The following DMD variants were observed in gnomAD, a reference collection of about 807,000 sequenced individuals.
DMD encodes the protein mutant dystrophin.
In DMD, 63 loss-of-function variants were observed where a neutral mutation model predicts 330.1. The observed-to-expected ratio is 0.19, with a 90% CI of 0.16 to 0.24. The LOEUF is 0.24. Ranked by LOEUF, DMD falls within the 10% of genes least tolerant of loss-of-function variation. The pLI is 1.00. For missense variants in DMD, 3,344 were observed against 2,684.1 expected, an observed-to-expected ratio of 1.25 and a Z score of -5.43; for synonymous variants, 1,223 against 959.8, an observed-to-expected ratio of 1.27 and a Z score of -5.07.
intron 44 of DMD, among the ~76,000 whole-genome samples, chrX:31,980,075 C>A (rs1179178569): frequency 8.9e-6 from 1 of 112,232 alleles, no homozygotes; most frequent in Non-Finnish European, 1.9e-5. Flanking sequence ...GTAACTGGAA[C>A]TCTCCATCAT....
chrX:32,645,146 C>T lies in DMD; in HGVS notation c.967G>A (p.Glu323Lys), dbSNP rs746060886. The stretch of plus-strand genomic sequence containing the variant: ...CCAAATGACTTGTCTTCAGGAGCTT[C>T]CAAATGCTGCACAATAAAATAAATT... ...TRSPFPSQHL[E>K]APEDKSFGSS... Residue 323 changes from glutamate (E) to lysine (K), a missense_variant, in exon 10 of 79, where the codon GAA becomes AAA. Glu to Lys is a moderately conservative substitution (Grantham distance 56). Transcript: ENST00000357033. The T allele has an allele frequency of 6.6e-6, 8 of 1,209,394 alleles. No homozygotes were observed. In the East Asian group the frequency reaches 2.1e-4, roughly 31 times the overall value.
chrX:32,976,671 C>T (rs759350914), intron 2 of DMD, among the ~76,000 whole-genome samples: 8 of 111,661 alleles, frequency 7.2e-5, no homozygotes, highest in Non-Finnish European at 1.1e-4. Context: ...CACCTGCATA[C>T]GTCAGCATTT....
chrX:33,131,532 C>A (rs2095499557), intron 1 of DMD, among the ~76,000 whole-genome samples: 1 of 111,391 alleles, frequency 9.0e-6, no homozygotes, highest in African/African-American at 3.3e-5. Flanking sequence ...TTAGGTAGAC[C>A]CCCCAGGTGA....
intron 63 of DMD, among the ~76,000 whole-genome samples, chrX:31,229,765 T>C (rs764358940): frequency 2.5e-4 from 28 of 112,087 alleles, no homozygotes; most frequent in Non-Finnish European, 4.5e-4. Flanking sequence ...TCTCCCCACA[T>C]ACTCCTATTA....
rs750106830 is a variant in DMD, at chrX:31,350,753, T to C, written c.9085-2119A>G. ...GTAATGGTTAATTCTATGTGTCAAGTTGACTGGACTATGGGGTGCCCAGGT... is the reference window on the plus strand; with the variant it reads ...GTAATGGTTAATTCTATGTGTCAAGCTGACTGGACTATGGGGTGCCCAGGT... On this transcript the variant is annotated intron_variant, in intron 60 of 78. Transcript: ENST00000357033. Among the ~76,000 whole-genome samples the C allele has an allele frequency of 2.7e-5, 3 of 110,342 alleles. No homozygotes were observed. In the South Asian group the frequency reaches 1.2e-3, roughly 44 times the overall value.
chrX:33,310,114 A>G (rs907963724), intron 1 of DMD, among the ~76,000 whole-genome samples: 7 of 111,285 alleles, frequency 6.3e-5, no homozygotes, highest in Non-Finnish European at 1.3e-4. Flanking sequence ...AAAAACTACT[A>G]TATAATTCAG....
At chrX:33,025,086 A>T (rs145847680) in intron 1 of DMD, among the ~76,000 whole-genome samples, 1,269 of 112,125 alleles carry the variant, frequency 0.011, 22 homozygotes, top group African/African-American at 0.039. Context: ...CATAAACAAA[A>T]ATATATATAA....
intron 2 of DMD, among the ~76,000 whole-genome samples, chrX:32,874,297 T>C (rs1335054513): frequency 1.8e-5 from 2 of 112,149 alleles, no homozygotes; most frequent in Non-Finnish European, 3.8e-5. Context: ...CCAAGGAAGT[T>C]TTCTGATATT....
intron 43 of DMD, among the ~76,000 whole-genome samples, chrX:32,225,598 G>A (rs1436623811): frequency 9.0e-6 from 1 of 111,365 alleles, no homozygotes; most frequent in East Asian, 2.8e-4. Flanking sequence ...GTGGGGCCTG[G>A]TGAGAGGTGA....
chrX:32,678,889 A>G (rs1008807878), intron 9 of DMD, among the ~76,000 whole-genome samples: 1 of 111,881 alleles, frequency 8.9e-6, no homozygotes, highest in African/African-American at 3.2e-5. Context: ...TAAACATATA[A>G]TTTGCATAAG....
chrX:31,163,102 T>C (rs1468960824), intron 74 of DMD, among the ~76,000 whole-genome samples: 1 of 112,124 alleles, frequency 8.9e-6, no homozygotes, highest in Non-Finnish European at 1.9e-5. Context: ...AAGGGCTCTG[T>C]AGCCCTTTGT....
chrX:32,979,960 G>A (rs1305346849), intron 2 of DMD, among the ~76,000 whole-genome samples: 1 of 111,709 alleles, frequency 9.0e-6, no homozygotes, highest in African/African-American at 3.2e-5. Flanking sequence ...TTAAAAGGTA[G>A]AGCCCTATAG....
chrX:31,694,679 T>A (rs2083344282), intron 52 of DMD, among the ~76,000 whole-genome samples: 1 of 97,190 alleles, frequency 1.0e-5, no homozygotes, highest in African/African-American at 3.8e-5. Flanking sequence ...ATACTCAACA[T>A]CTCTAATCAT....
intron 60 of DMD, among the ~76,000 whole-genome samples, chrX:31,430,964 G>A (rs1438490952): frequency 3.7e-5 from 4 of 107,941 alleles, no homozygotes; most frequent in South Asian, 4.2e-4. Context: ...CACCATGCCC[G>A]GCTAATGTTT....
chrX:32,382,207 G>T (rs1318120148), intron 33 of DMD, among the ~76,000 whole-genome samples: 1 of 111,518 alleles, frequency 9.0e-6, no homozygotes, highest in Non-Finnish European at 1.9e-5. Flanking sequence ...TTTGGCTTTT[G>T]TTGCTAAGAA....
intron 41 of DMD, among the ~76,000 whole-genome samples, chrX:32,339,009 A>G (rs2097728671): frequency 8.9e-6 from 1 of 112,516 alleles, no homozygotes; most frequent in South Asian, 3.6e-4. Context: ...AAAATATTTT[A>G]AAAATTAAAG....
At chrX:32,620,913 A>C (rs1053763900) in intron 11 of DMD, among the ~76,000 whole-genome samples, 10 of 111,921 alleles carry the variant, frequency 8.9e-5, no homozygotes, top group Non-Finnish European at 1.9e-4. Flanking sequence ...ACAGCCTAAG[A>C]GTTGAGACTT....
intron 42 of DMD, among the ~76,000 whole-genome samples, chrX:32,305,610 G>C (rs2097537632): frequency 9.0e-6 from 1 of 110,914 alleles, no homozygotes; most frequent in African/African-American, 3.3e-5. Context: ...TTCTATTATT[G>C]GTCCCCTACA....
At chrX:32,737,755 T>C (rs928042853) in intron 7 of DMD, among the ~76,000 whole-genome samples, 5 of 111,921 alleles carry the variant, frequency 4.5e-5, no homozygotes, top group African/African-American at 1.6e-4. Context: ...TAGGAACTAA[T>C]GTTAACTGTC....
Sources: allele counts gnomAD v4.1 joint callset (sites outside exome capture counted in the v4.1 genomes callset), GRCh38; gene constraint gnomAD v4.1.1; transcripts MANE v1.5; gene names NCBI Gene and HGNC (gene_info 2026-07-23, HGNC 2026-07-21).